The following LPIN3 variants were observed in gnomAD, a reference collection of about 807,000 sequenced individuals.
LPIN3 encodes the protein lipin 3.
In LPIN3, 82 loss-of-function variants were observed where a neutral mutation model predicts 94.7. That is an observed-to-expected ratio of 0.87 (90% confidence interval 0.72 to 1.04). LPIN3 has a LOEUF of 1.04. LPIN3 is among the 50% of genes least tolerant of loss of function. The pLI is 0.00. For synonymous variants in LPIN3, 418 were observed against 443.3 expected (o/e 0.94, Z 0.72); for missense variants, 996 against 1,090.5 (o/e 0.91, Z 1.22).
chr20:41,358,927 T>C lies in LPIN3; in HGVS notation c.*61T>C, dbSNP rs1044424431. 4.4e-6 allele frequency: 7 copies of C among 1,577,208 alleles called. No individual in the cohort carries two copies. The African/African-American group carries it at 9.5e-5, about 21-fold the overall frequency. ...CCAGGACTGGCTAGGTGTCCTGGGG[T>C]ATAGGAGGGTGGGAATTGGAGTGTC... On this transcript the variant is annotated 3_prime_UTR_variant, in exon 20 of 20. Transcript: ENST00000373257.
chr20:41,354,528 C>T (rs2046137853), intron 11 of LPIN3, 117 bp from the exon 12 acceptor site: 2 of 953,940 alleles, frequency 2.1e-6, no homozygotes, highest in African/African-American at 1.6e-5. Context: ...GTTGACAGCA[C>T]CTTACCCTAG....
At chr20:41,344,650 T>A (rs1406135538) in intron 1 of LPIN3, among the ~76,000 whole-genome samples, 16 of 152,136 alleles carry the variant, frequency 1.1e-4, no homozygotes, top group Admixed American at 9.2e-4. Context: ...ATCATAGCCC[T>A]GTTTTTTCTC....
At chr20:41,353,790 C>A (rs1020571589) in intron 11 of LPIN3, among the ~76,000 whole-genome samples, 4 of 152,216 alleles carry the variant, frequency 2.6e-5, no homozygotes. Context: ...GCCCAAAGAG[C>A]ATCACTAACA....
In LPIN3 at chr20:41,349,838, C is replaced by T. The variant is rs764197987; in HGVS notation, c.703C>T (p.Pro235Ser). The T allele has an allele frequency of 6.2e-7, 1 of 1,613,640 alleles. No individual in the cohort carries two copies. The highest frequency in any genetic ancestry group is 8.5e-7 in the Non-Finnish European group (1 of 1,180,020). ...GGAGCTGGAGGTGCGGACCCCGGAGCCCAGTCCCCTAAGAGCCGAGTCCCA... is the reference window on the plus strand; with the variant it reads ...GGAGCTGGAGGTGCGGACCCCGGAGTCCAGTCCCCTAAGAGCCGAGTCCCA... ...DSELEVRTPEPSPLRAESHMQ... is the reference protein window; with the variant it reads ...DSELEVRTPESSPLRAESHMQ... Residue 235 changes from proline (P) to serine (S), a missense_variant, in exon 6 of 20, where the codon CCC (proline) becomes TCC (serine). Coordinates refer to ENST00000373257, the MANE Select transcript of LPIN3 (RefSeq NM_022896.3).
Position 41,351,832 on chromosome 20 carries a change from AG to A in LPIN3, c.1115del (p.Arg372LysfsTer48), listed in dbSNP as rs911659406. 23 of 1,614,010 alleles carry A rather than the reference AG, an allele frequency of 1.4e-5. No homozygotes were observed. The Middle Eastern group carries it at 2.3e-3, about 161-fold the overall frequency. On this transcript the variant is annotated frameshift_variant, in exon 8 of 20. Transcript: ENST00000373257. LOFTEE classifies it high-confidence loss of function. Reference protein sequence around the residue: ...RVSRGKGSPKRSQHLGPSDIY... With the variant: ...RVSRGKGSPKXSQHLGPSDIY... ...TCTTCAACTCTCAGGCTCCCCAAAG[AG>A]AAGCCAGCACCTGGGCCCCAGTGAC...
Position 41,358,008 on chromosome 20 carries a change from C to G in LPIN3, c.2166C>G (p.Pro722=). 6.2e-7 allele frequency: 1 copy of G among 1,609,018 alleles called. No individual in the cohort carries two copies. The highest frequency in any genetic ancestry group is 8.5e-7 in the Non-Finnish European group (1 of 1,177,736). Residue 722 remains proline, a synonymous_variant, in exon 17 of 20, where the codon CCC becomes CCG. Coordinates refer to ENST00000373257, the MANE Select transcript of LPIN3 (RefSeq NM_022896.3). ...SLPKGPILLS[P]SSLFSALHRE... is the part of the protein sequence containing the mutation. ...CCAAGGGCCCCATCCTTCTGTCTCC[C>G]AGCAGCCTCTTCTCTGCCCTCCACA...
rs761074521 is a variant in LPIN3, at chr20:41,350,125, G to A, written c.830G>A (p.Arg277Gln). 1.7e-5 allele frequency: 27 copies of A among 1,612,080 alleles called. No homozygotes were observed. Among genetic ancestry groups the A allele is most frequent in the Non-Finnish European group, 2.0e-5 (23 of 1,179,382 alleles). The change falls in exon 7 of 20, where the codon CGG becomes CAG. Residue 277 changes from arginine (R) to glutamine (Q), a missense_variant. By Grantham distance (43) the Arg-to-Gln change is conservative (BLOSUM62 1). Transcript: ENST00000373257. ...EGRAGATSPPRGGPSTPSTSV... is the reference protein window; with the variant it reads ...EGRAGATSPPQGGPSTPSTSV... ...AGAGCTGGGGCAACCTCTCCTCCTCGGGGAGGACCCAGCACTCCCTCTACC... is the reference window on the plus strand; with the variant it reads ...AGAGCTGGGGCAACCTCTCCTCCTCAGGGAGGACCCAGCACTCCCTCTACC...
rs756747577 is a variant in LPIN3 at position 41,357,341 on chromosome 20, C to A, written c.1953-20C>A. On this transcript the variant is annotated intron_variant, in intron 15 of 19. Coordinates refer to ENST00000373257, the MANE Select transcript of LPIN3 (RefSeq NM_022896.3). Reference sequence around the variant, plus strand: ...GCCACGTGGAGCTGCCTTGGAGTAACCCTTCCTCTCTCACTCTAGGTCAGA... The same window carrying A: ...GCCACGTGGAGCTGCCTTGGAGTAAACCTTCCTCTCTCACTCTAGGTCAGA... 1 of 1,612,384 alleles carries A rather than the reference C, an allele frequency of 6.2e-7. No individual in the cohort carries two copies. Among genetic ancestry groups the A allele is most frequent in the Non-Finnish European group, 8.5e-7 (1 of 1,178,892 alleles).
intron 7 of LPIN3, among the ~76,000 whole-genome samples, chr20:41,351,587 G>A (rs757803197): frequency 3.2e-4 from 48 of 152,064 alleles, no homozygotes; most frequent in South Asian, 2.1e-4. Flanking sequence ...GAGCCACCAC[G>A]CCCAGCCTAG....
rs1304321951 is a variant in LPIN3 at position 41,340,969 on chromosome 20, C to CT, written c.-41dup. ...GTGCACGTAGGTAGAGGCGGCGGCTCTGAGTCCAGGAGCTCCAGTGGGCAG... is the reference window on the plus strand; with the variant it reads ...GTGCACGTAGGTAGAGGCGGCGGCTCTTGAGTCCAGGAGCTCCAGTGGGCAG... On this transcript the variant is annotated 5_prime_UTR_variant, in exon 1 of 20. Coordinates refer to ENST00000373257, the MANE Select transcript of LPIN3 (RefSeq NM_022896.3). The CT allele has an allele frequency of 6.6e-6, 1 of 152,328 alleles. No individual in the cohort carries two copies. The highest frequency in any genetic ancestry group is 1.5e-5 in the Non-Finnish European group (1 of 68,140). The allele number at this position is 152,328 out of a possible 1,614,324, so 9.4% of individuals were successfully genotyped here.
chr20:41,350,009 T>C (rs73123224), intron 6 of LPIN3, 46 bp from the exon 7 acceptor site: 7 of 1,561,786 alleles, frequency 4.5e-6, no homozygotes, highest in Non-Finnish European at 6.1e-6. Context: ...TTGTGGGGCA[T>C]GGGCCTTACC....
chr20:41,349,899 G>A lies in LPIN3; in HGVS notation c.759+5G>A, dbSNP rs756697740. 5 of 1,611,694 alleles carry A rather than the reference G, an allele frequency of 3.1e-6. No individual in the cohort carries two copies. The East Asian group carries it at 8.9e-5, about 29-fold the overall frequency. ...GCCTGGGGGAGGCTGCCTAAGGTGA[G>A]TCCCTCTGTATCAACCCCAGGCCCG... On this transcript the variant is annotated splice_donor_5th_base_variant and intron_variant, in intron 6 of 19. Transcript: ENST00000373257.
chr20:41,360,262 G>A lies in LPIN3; in HGVS notation c.*1396G>A, dbSNP rs1288789331. 1.3e-5 allele frequency: 2 copies of A among 152,386 alleles called. No individual in the cohort carries two copies. Among genetic ancestry groups the A allele is most frequent in the Admixed American group, 1.3e-4 (2 of 15,280 alleles). The allele number at this position is 152,386 out of a possible 1,614,324, so 9.4% of individuals were successfully genotyped here. On this transcript the variant is annotated 3_prime_UTR_variant, in exon 20 of 20. Coordinates refer to ENST00000373257, the MANE Select transcript of LPIN3 (RefSeq NM_022896.3). ...ATCTTGGGAGGGTGGGGGTTTTGCA[G>A]GGGTGTTAAAAGCAAGGCTTGGAGC...
chr20:41,344,667 C>T (rs1253170960), intron 1 of LPIN3, among the ~76,000 whole-genome samples: 3 of 152,122 alleles, frequency 2.0e-5, no homozygotes, highest in Admixed American at 1.3e-4. Flanking sequence ...TCTCTGAGGC[C>T]GCCTCAGCCT....
intron 1 of LPIN3, among the ~76,000 whole-genome samples, chr20:41,344,296 G>A (rs957793707): frequency 1.3e-5 from 2 of 152,224 alleles, no homozygotes; most frequent in Non-Finnish European, 2.9e-5. Context: ...AGGAGACCAT[G>A]CTCTAGAGTC....
At chr20:41,355,018 T>C (rs2046162934) in intron 13 of LPIN3, among the ~76,000 whole-genome samples, 155 bp downstream of exon 13, 1 of 151,532 alleles carries the variant, frequency 6.6e-6, no homozygotes, top group Admixed American at 6.6e-5. Flanking sequence ...TTTTTTGTTG[T>C]TTTTGTTTGT....
At position 41,357,422 on chromosome 20, in the gene LPIN3, AC is replaced by A; in HGVS notation, c.2016del (p.Ser673ValfsTer8). On this transcript the variant is annotated frameshift_variant, in exon 16 of 20. Transcript: ENST00000373257. LOFTEE classifies it high-confidence loss of function. ...GAAAGACTGGACACACCAGGGCATC[AC>A]CAGTCTCTATCACAAAATCCAACTG... Reference protein sequence around the residue: ...LGKDWTHQGITSLYHKIQLNG... With the variant: ...LGKDWTHQGIXSLYHKIQLNG... 4 of 1,613,756 alleles carry A rather than the reference AC, an allele frequency of 2.5e-6. No homozygotes were observed. The highest frequency in any genetic ancestry group is 3.4e-6 in the Non-Finnish European group (4 of 1,179,958).
chr20:41,347,714 C>G, intron 3 of LPIN3, 67 bp downstream of exon 3: 1 of 1,400,730 alleles, frequency 7.1e-7, no homozygotes, highest in Non-Finnish European at 9.8e-7. Context: ...TGGGCAGAGC[C>G]TTGGGATTTG....
intron 1 of LPIN3, among the ~76,000 whole-genome samples, chr20:41,344,780 C>T (rs1479740995): frequency 6.6e-6 from 1 of 152,214 alleles, no homozygotes; most frequent in Admixed American, 6.5e-5. Context: ...AGCCCAAGGC[C>T]TGATTGTGGG....
Sources: allele counts gnomAD v4.1 joint callset (sites outside exome capture counted in the v4.1 genomes callset), GRCh38; gene constraint gnomAD v4.1.1; transcripts MANE v1.5; gene names NCBI Gene and HGNC (gene_info 2026-07-23, HGNC 2026-07-21).